SPOCK1: variants seen among roughly 807,000 people sequenced by gnomAD.
SPOCK1 encodes SPARC (osteonectin), cwcv and kazal like domains proteoglycan 1, also known as testican-1.
Under a neutral mutation model 55.3 loss-of-function variants are expected in SPOCK1, and 23 were observed. The observed-to-expected ratio is 0.42, with a 90% confidence interval of 0.30 to 0.59. The LOEUF (loss-of-function observed/expected upper bound fraction) is 0.59, where lower values mean the gene tolerates loss of function less well. SPOCK1 is among the 20% of genes least tolerant of loss of function. The pLI is 0.22. For synonymous variants in SPOCK1, 226 were observed against 221.0 expected (o/e 1.02, Z -0.20); for missense variants, 499 against 552.5 (o/e 0.90, Z 0.97).
At chr5:137,090,801 A>G (rs1753038696) in intron 5 of SPOCK1, among the ~76,000 whole-genome samples, 1 of 152,134 alleles carries the variant, frequency 6.6e-6, no homozygotes, top group African/African-American at 2.4e-5. Flanking sequence ...GGGTTTTTCA[A>G]GCAAGGGGCT....
intron 2 of SPOCK1, among the ~76,000 whole-genome samples, chr5:137,384,893 C>A (rs980075680): frequency 6.6e-6 from 1 of 152,132 alleles, no homozygotes; most frequent in Non-Finnish European, 1.5e-5. Context: ...CGAAGACCCT[C>A]TTTCTAAATA....
intron 3 of SPOCK1, among the ~76,000 whole-genome samples, chr5:137,212,727 T>C (rs1461995584): frequency 6.6e-6 from 1 of 152,214 alleles, no homozygotes; most frequent in Non-Finnish European, 1.5e-5. Flanking sequence ...TTCCAGAATT[T>C]CCTAAATTTG....
At chr5:137,003,551 A>G (rs529423793) in intron 6 of SPOCK1, among the ~76,000 whole-genome samples, 67 of 152,278 alleles carry the variant, frequency 4.4e-4, no homozygotes, top group African/African-American at 1.6e-3. Context: ...GGGCCAATAT[A>G]TGAACTTTTA....
At chr5:137,299,830 T>G (rs900157112) in intron 2 of SPOCK1, among the ~76,000 whole-genome samples, 2 of 152,192 alleles carry the variant, frequency 1.3e-5, no homozygotes, top group Non-Finnish European at 1.5e-5. Context: ...TTTAAAACTT[T>G]CTCTTTCTTT....
At chr5:137,269,168 C>T (rs1269012602) in intron 2 of SPOCK1, among the ~76,000 whole-genome samples, 4 of 152,216 alleles carry the variant, frequency 2.6e-5, no homozygotes, top group Non-Finnish European at 4.4e-5. Flanking sequence ...ATATTTAAAG[C>T]TCATTGCAAA....
chr5:137,156,313 C>T (rs1432036233), intron 3 of SPOCK1, among the ~76,000 whole-genome samples: 1 of 152,146 alleles, frequency 6.6e-6, no homozygotes, highest in Non-Finnish European at 1.5e-5. Context: ...ATAAAATAAA[C>T]AACCACACTG....
At chr5:136,983,498 G>A (rs758043233) in intron 9 of SPOCK1, among the ~76,000 whole-genome samples, 9 of 151,880 alleles carry the variant, frequency 5.9e-5, no homozygotes, top group Admixed American at 2.0e-4. Context: ...TCAAAGAACA[G>A]TAGATAGAAA....
chr5:137,256,700 C>A (rs1756641285), intron 3 of SPOCK1, among the ~76,000 whole-genome samples: 1 of 152,132 alleles, frequency 6.6e-6, no homozygotes. Flanking sequence ...ACAGTCCCAA[C>A]AAAGACAACT....
intron 3 of SPOCK1, among the ~76,000 whole-genome samples, chr5:137,180,799 C>T (rs1009758300): frequency 3.9e-5 from 6 of 152,150 alleles, no homozygotes; most frequent in African/African-American, 1.4e-4. Context: ...TAGAAGCCCC[C>T]AGGGTTTAGG....
At chr5:137,473,374 A>G (rs914367919) in intron 2 of SPOCK1, among the ~76,000 whole-genome samples, 3 of 152,336 alleles carry the variant, frequency 2.0e-5, no homozygotes, top group African/African-American at 7.2e-5. Context: ...ACATGTATAC[A>G]TGTATACACA....
intron 9 of SPOCK1, among the ~76,000 whole-genome samples, chr5:136,980,977 AATTTGGTAACTGATAGTATCC>A (rs1388104452): frequency 6.6e-6 from 1 of 152,078 alleles, no homozygotes; most frequent in African/African-American, 2.4e-5. Context: ...CTGTTATCAA[AATTTGGTAACTGATAGTATCC>A]ATTTCAACTA....
chr5:137,134,739 G>A (rs779577864), intron 4 of SPOCK1, among the ~76,000 whole-genome samples: 35 of 152,206 alleles, frequency 2.3e-4, no homozygotes, highest in Non-Finnish European at 4.1e-4. Flanking sequence ...CCAGTTCAAA[G>A]CCCCTGTAGC....
intron 2 of SPOCK1, among the ~76,000 whole-genome samples, chr5:137,409,114 A>G (rs528132071): frequency 3.9e-5 from 6 of 152,214 alleles, no homozygotes; most frequent in Admixed American, 2.0e-4. Flanking sequence ...CAATCTCCAA[A>G]GTGTCATGAC....
chr5:137,315,213 C>T (rs959260485), intron 2 of SPOCK1, among the ~76,000 whole-genome samples: 1 of 152,164 alleles, frequency 6.6e-6, no homozygotes, highest in South Asian at 2.1e-4. Context: ...CCAAGGTTCA[C>T]CATGGACAGA....
chr5:137,132,693 T>C (rs1753907942), intron 4 of SPOCK1, among the ~76,000 whole-genome samples: 1 of 152,156 alleles, frequency 6.6e-6, no homozygotes, highest in Admixed American at 6.5e-5. Context: ...ACATTCTCCA[T>C]CTCCTACAGA....
chr5:137,249,038 A>C (rs1275746601), intron 3 of SPOCK1, among the ~76,000 whole-genome samples: 1 of 152,238 alleles, frequency 6.6e-6, no homozygotes, highest in Non-Finnish European at 1.5e-5. Context: ...AACTATTTTG[A>C]AGATGAAACA....
At chr5:137,302,597 A>G (rs1757621342) in intron 2 of SPOCK1, among the ~76,000 whole-genome samples, 1 of 150,744 alleles carries the variant, frequency 6.6e-6, no homozygotes, top group Admixed American at 6.6e-5. Flanking sequence ...TAAATAAATA[A>G]ATAAATAAAT....
intron 6 of SPOCK1, among the ~76,000 whole-genome samples, chr5:137,019,059 C>T (rs944984766): frequency 6.6e-6 from 1 of 152,078 alleles, no homozygotes; most frequent in African/African-American, 2.4e-5. Flanking sequence ...TAATAAAATA[C>T]TATAGTATGC....
intron 2 of SPOCK1, among the ~76,000 whole-genome samples, chr5:137,284,268 C>A (rs1757223995): frequency 1.3e-5 from 2 of 152,204 alleles, no homozygotes; most frequent in Non-Finnish European, 2.9e-5. Context: ...AAGTTCTAGA[C>A]CATCATCTCC....
Sources: gnomAD v4.1 joint callset for allele counts (sites outside exome capture counted in the v4.1 genomes callset) on GRCh38, gnomAD v4.1.1 for gene constraint, MANE v1.5 for transcripts, NCBI Gene and HGNC (gene_info 2026-07-23, HGNC 2026-07-21) for gene names.